Variants in CLOCK observed in about 807,000 individuals in gnomAD.
The protein encoded by CLOCK is circadian locomoter output cycles protein kaput.
In CLOCK, 43 loss-of-function variants were observed where a neutral mutation model predicts 118.4. The ratio of observed to expected loss-of-function variants is 0.36; its 90% CI spans 0.28 to 0.47. The LOEUF (loss-of-function observed/expected upper bound fraction) is 0.47. Ranked by LOEUF, CLOCK falls within the 20% of genes least tolerant of loss-of-function variation. CLOCK has a pLI of 1.00. For missense variants in CLOCK, 846 were observed against 999.9 expected, an observed-to-expected ratio of 0.85 and a Z score of 2.08; for synonymous variants, 326 against 339.2, an observed-to-expected ratio of 0.96 and a Z score of 0.43.
chr4:55,461,865 T>C (rs1279995476), intron 9 of CLOCK, among the ~76,000 whole-genome samples: 2 of 152,200 alleles, frequency 1.3e-5, no homozygotes, highest in African/African-American at 2.4e-5. Flanking sequence ...CTCTCTACTC[T>C]GTAAAAAATA....
chr4:55,443,292 T>A (rs1048781174), intron 20 of CLOCK, among the ~76,000 whole-genome samples: 1 of 152,092 alleles, frequency 6.6e-6, no homozygotes, highest in Admixed American at 6.5e-5. Context: ...CAGGCCAACA[T>A]GGTGAAACCC....
In CLOCK at chr4:55,490,074, A is replaced by G. The variant is rs76457558; in HGVS notation, c.-135-609T>C. ...GGATTAAACTCCTCAATCAAAATACATGGAGTGGCTGAATGGATTTAAAAA... is the reference window on the plus strand; with the variant it reads ...GGATTAAACTCCTCAATCAAAATACGTGGAGTGGCTGAATGGATTTAAAAA... On this transcript the variant is annotated intron_variant, in intron 2 of 22. Transcript: ENST00000513440. 2.9e-3 allele frequency among the ~76,000 whole-genome samples: 436 copies of G among 149,632 alleles called. 18 individuals are homozygous for G. The East Asian group carries it at 0.082, about 28-fold the overall frequency.
At chr4:55,447,228 G>C (rs539616643) in intron 18 of CLOCK, among the ~76,000 whole-genome samples, 1 of 152,048 alleles carries the variant, frequency 6.6e-6, no homozygotes, top group Admixed American at 6.6e-5. Flanking sequence ...CTAGCCGGGT[G>C]TGGTGGCATG....
intron 1 of CLOCK, among the ~76,000 whole-genome samples, chr4:55,510,456 G>A (rs1427771753): frequency 3.3e-5 from 5 of 151,838 alleles, no homozygotes; most frequent in Admixed American, 2.0e-4. Flanking sequence ...GTGAAACCTC[G>A]TCCCTACTAA....
At chr4:55,464,724 C>T (rs1244737063) in intron 8 of CLOCK, among the ~76,000 whole-genome samples, 1 of 152,156 alleles carries the variant, frequency 6.6e-6, no homozygotes, top group African/African-American at 2.4e-5. Context: ...AAGAGCTCCA[C>T]TGCTTAAAAA....
chr4:55,546,368 A>C (rs1731628082), intron 1 of CLOCK: 1 of 152,450 alleles, frequency 6.6e-6, no homozygotes, highest in South Asian at 2.1e-4. Flanking sequence ...GAAAAGACAC[A>C]CTAGAACGAC....
intron 10 of CLOCK, 34 bp from the exon 11 acceptor site, chr4:55,459,044 T>C (rs372647349): frequency 6.4e-7 from 1 of 1,562,946 alleles, no homozygotes; most frequent in East Asian, 2.2e-5. Flanking sequence ...TCATCAGTTA[T>C]GCCAGCAAAA....
Position 55,435,350 on chromosome 4 carries a change from C to A in CLOCK, c.*65G>T. On this transcript the variant is annotated 3_prime_UTR_variant, in exon 23 of 23. Transcript: ENST00000513440. ...GGAACTTTCCCTCCTTTCCTCAGGT[C>A]ATCTGAGTAACTCTTAATGGGCCAT... 1.3e-6 allele frequency: 2 copies of A among 1,578,816 alleles called. No homozygotes were observed. Among genetic ancestry groups the A allele is most frequent in the South Asian group, 2.2e-5 (2 of 89,950 alleles).
intron 2 of CLOCK, among the ~76,000 whole-genome samples, chr4:55,509,025 C>T (rs1343534612): frequency 1.3e-5 from 2 of 152,164 alleles, no homozygotes; most frequent in Non-Finnish European, 2.9e-5. Flanking sequence ...AGGCTACAAA[C>T]CTGCACAGCA....
intron 1 of CLOCK, among the ~76,000 whole-genome samples, chr4:55,543,360 T>C (rs1731405371): frequency 6.6e-6 from 1 of 152,162 alleles, no homozygotes; most frequent in Non-Finnish European, 1.5e-5. Context: ...GTCCTGTAGG[T>C]AATAACAGAG....
At chr4:55,508,743 C>G (rs1324312113) in intron 2 of CLOCK, among the ~76,000 whole-genome samples, 1 of 152,094 alleles carries the variant, frequency 6.6e-6, no homozygotes, top group Admixed American at 6.5e-5. Context: ...CAGGCGCCTG[C>G]CACCACGCCT....
intron 21 of CLOCK, 128 bp downstream of exon 21, chr4:55,442,304 T>A: frequency 1.2e-6 from 1 of 804,910 alleles, no homozygotes; most frequent in Non-Finnish European, 2.0e-6. Context: ...ATTTCAAATT[T>A]AAGAACATTG....
Position 55,450,219 on chromosome 4 carries a change from C to T in CLOCK, c.1220G>A (p.Gly407Glu). ...GACTGTGTTTATACGATTATCTGAC[C>T]CAGAATCTTGGCTCTATGGAGACAG... ...ETAADKSQDS[G>E]SDNRINTVSL... The change falls in exon 16 of 23, where the codon GGG (glycine) becomes GAG (glutamate). Residue 407 changes from glycine (G) to glutamate (E), a missense_variant. By Grantham distance (98) the Gly-to-Glu change is moderately conservative. Coordinates refer to ENST00000513440, the MANE Select transcript of CLOCK (RefSeq NM_004898.4). 1 of 1,613,792 alleles carries T rather than the reference C, an allele frequency of 6.2e-7. No homozygotes were observed. The highest frequency in any genetic ancestry group is 8.5e-7 in the Non-Finnish European group (1 of 1,179,892).
At chr4:55,469,069 T>A (rs997341595) in intron 8 of CLOCK, among the ~76,000 whole-genome samples, 3 of 152,192 alleles carry the variant, frequency 2.0e-5, no homozygotes, top group Admixed American at 1.3e-4. Flanking sequence ...TAATAAACAA[T>A]CATCTTACTA....
At position 55,520,257 on chromosome 4, in the gene CLOCK, AC is replaced by A. The variant is rs1232355554; in HGVS notation, c.-289-10193del. Among the ~76,000 whole-genome samples the A allele has an allele frequency of 1.1e-4, 17 of 152,244 alleles. No individual in the cohort carries two copies. In the East Asian group the frequency reaches 3.3e-3, roughly 29 times the overall value. On this transcript the variant is annotated intron_variant, in intron 1 of 22. Transcript: ENST00000513440. ...TCATACCACAATCCTTAAAATTATC[AC>A]TGCCCCCACACCGATCAAGTGAAGT... is the stretch of plus-strand genomic sequence containing the variant.
At chr4:55,491,373 A>AC (rs1553898429) in intron 2 of CLOCK, among the ~76,000 whole-genome samples, 1 of 123,826 alleles carries the variant, frequency 8.1e-6, no homozygotes, top group Non-Finnish European at 1.7e-5. Flanking sequence ...AACAGTGAAT[A>AC]GGAAAAAAAA....
intron 9 of CLOCK, 64 bp downstream of exon 9, chr4:55,463,621 C>T (rs1035965795): frequency 1.9e-6 from 3 of 1,571,546 alleles, no homozygotes; most frequent in Non-Finnish European, 2.6e-6. Flanking sequence ...TTTTCATAAA[C>T]TTGCAAAAGG....
chr4:55,530,649 C>T (rs1730476995), intron 1 of CLOCK, among the ~76,000 whole-genome samples: 1 of 151,428 alleles, frequency 6.6e-6, no homozygotes, highest in Non-Finnish European at 1.5e-5. Flanking sequence ...GTGGCAAACG[C>T]CTGTAATCCC....
At chr4:55,515,307 A>T (rs1729434594) in intron 1 of CLOCK, among the ~76,000 whole-genome samples, 1 of 152,140 alleles carries the variant, frequency 6.6e-6, no homozygotes, top group Non-Finnish European at 1.5e-5. Context: ...CAATTTTATT[A>T]ATCTCTTCAA....
Sources: allele counts gnomAD v4.1 joint callset (sites outside exome capture counted in the v4.1 genomes callset), GRCh38; gene constraint gnomAD v4.1.1; transcripts MANE v1.5; gene names NCBI Gene and HGNC (gene_info 2026-07-23, HGNC 2026-07-21).